Variants in VPS13C observed in about 807,000 individuals in gnomAD.
VPS13C encodes the protein vacuolar protein sorting 13 homolog C.
In VPS13C, 358 loss-of-function variants were observed where a neutral mutation model predicts 456.8. The ratio of observed to expected loss-of-function variants is 0.78; its 90% CI spans 0.72 to 0.86. VPS13C has a LOEUF of 0.86. Among genes scored for constraint, VPS13C ranks in the 40% least tolerant of loss-of-function variants. The pLI, the probability that VPS13C is intolerant of heterozygous loss-of-function variation, is 0.00. For synonymous variants in VPS13C, 1,578 were observed against 1,486.7 expected (o/e 1.06, Z -1.41); for missense variants, 4,818 against 4,385.4 (o/e 1.10, Z -2.79).
At chr15:61,962,023 T>A in intron 34 of VPS13C, 130 bp from the exon 35 acceptor site, 1 of 1,026,964 alleles carries the variant, frequency 9.7e-7, no homozygotes. Context: ...GCCCTATTTT[T>A]CTAGCAGTAT....
intron 52 of VPS13C, among the ~76,000 whole-genome samples, chr15:61,926,390 ACC>A (rs1344881567): frequency 1.3e-5 from 2 of 152,190 alleles, no homozygotes; most frequent in Non-Finnish European, 2.9e-5. Flanking sequence ...ACGGAGTGAG[ACC>A]CTTGTCTCTA....
intron 55 of VPS13C, 122 bp downstream of exon 55, chr15:61,921,825 G>T: frequency 1.1e-6 from 1 of 892,456 alleles, no homozygotes; most frequent in South Asian, 1.6e-5. Flanking sequence ...CTGACCTCAT[G>T]GACAGAGCCC....
In VPS13C at chr15:62,000,628, T is replaced by G. The variant is rs772815166; in HGVS notation, c.1291-2A>C. 6.3e-7 allele frequency: 1 copy of G among 1,594,120 alleles called. No homozygotes were observed. Among genetic ancestry groups the G allele is most frequent in the South Asian group, 1.2e-5 (1 of 84,930 alleles). ...AACATCTAGAGTCTTCTCCAAGTCC[T>G]GTAAAAAACAGAGGCACTTATAAAC... On this transcript the variant is annotated splice_acceptor_variant, in intron 15 of 84. Coordinates refer to ENST00000644861, the MANE Select transcript of VPS13C (RefSeq NM_020821.3). LOFTEE classifies it high-confidence loss of function.
intron 1 of VPS13C, among the ~76,000 whole-genome samples, chr15:62,059,689 T>A (rs890135464): frequency 5.9e-5 from 9 of 152,194 alleles, no homozygotes; most frequent in Non-Finnish European, 1.0e-4. Flanking sequence ...AGAAATCATT[T>A]TCACAGGAGC....
intron 59 of VPS13C, 29 bp downstream of exon 59, chr15:61,918,107 A>C (rs202178026): frequency 6.5e-7 from 1 of 1,548,368 alleles, no homozygotes; most frequent in South Asian, 1.3e-5. Context: ...CAATACATTT[A>C]AAGTTTAATA....
rs747874001 is a variant in VPS13C, at chr15:61,974,435, T to C, written c.2409-18A>G. Reference sequence around the variant, plus strand: ...CTTTAAATCTAAAAATACAATTCAGTGGTTTTAAGTCAGCATCTCTACATT... The same window carrying C: ...CTTTAAATCTAAAAATACAATTCAGCGGTTTTAAGTCAGCATCTCTACATT... On this transcript the variant is annotated intron_variant, in intron 24 of 84. Coordinates refer to ENST00000644861, the MANE Select transcript of VPS13C (RefSeq NM_020821.3). 6.2e-7 allele frequency: 1 copy of C among 1,609,180 alleles called. No individual in the cohort carries two copies. The highest frequency in any genetic ancestry group is 1.3e-5 in the African/African-American group (1 of 74,772).
intron 5 of VPS13C, among the ~76,000 whole-genome samples, chr15:62,032,908 T>C (rs1385525016): frequency 6.6e-6 from 1 of 151,704 alleles, no homozygotes; most frequent in Non-Finnish European, 1.5e-5. Context: ...GATTTATTTT[T>C]AGATAAAAAC....
chr15:61,928,016 G>C (rs988522054), intron 51 of VPS13C, among the ~76,000 whole-genome samples: 1 of 149,496 alleles, frequency 6.7e-6, no homozygotes. Flanking sequence ...CACAGGAAGG[G>C]GAACAACACA....
At chr15:61,957,465 A>T (rs1001199167) in intron 37 of VPS13C, among the ~76,000 whole-genome samples, 2 of 152,144 alleles carry the variant, frequency 1.3e-5, no homozygotes, top group African/African-American at 2.4e-5. Flanking sequence ...AAATACAGTA[A>T]AATAGTTTTT....
chr15:61,944,776 T>A (rs571996177), intron 45 of VPS13C, among the ~76,000 whole-genome samples: 14 of 152,222 alleles, frequency 9.2e-5, no homozygotes, highest in African/African-American at 3.4e-4. Context: ...CTAAAATAGT[T>A]GGATTATCAA....
At chr15:61,961,205 A>G (rs914506911) in intron 35 of VPS13C, among the ~76,000 whole-genome samples, 1 of 151,324 alleles carries the variant, frequency 6.6e-6, no homozygotes, top group African/African-American at 2.4e-5. Context: ...CCTGGCCAAC[A>G]TGGTGAAACC....
intron 4 of VPS13C, among the ~76,000 whole-genome samples, chr15:62,034,280 C>A (rs778496130): frequency 2.0e-5 from 3 of 151,546 alleles, no homozygotes; most frequent in Non-Finnish European, 3.0e-5. Flanking sequence ...AATGTGGTAA[C>A]AGCTACTGAA....
chr15:61,880,608 C>G lies in VPS13C; in HGVS notation c.10002+1G>C. ...TTTTCAAAATAATAATTACAACAAACCTTCACAGGAGAAATATGGAAATGT... is the reference window on the plus strand; with the variant it reads ...TTTTCAAAATAATAATTACAACAAAGCTTCACAGGAGAAATATGGAAATGT... On this transcript the variant is annotated splice_donor_variant, in intron 73 of 84. Transcript: ENST00000644861. LOFTEE classifies it high-confidence loss of function. The G allele has an allele frequency of 1.3e-6, 2 of 1,551,782 alleles. No homozygotes were observed. Among genetic ancestry groups the G allele is most frequent in the Admixed American group, 2.0e-5 (1 of 50,498 alleles).
chr15:62,007,541 G>C, intron 14 of VPS13C, 62 bp from the exon 15 acceptor site: 1 of 1,375,560 alleles, frequency 7.3e-7, no homozygotes. Flanking sequence ...AACAGGAAAA[G>C]TCTTGACATT....
At chr15:61,904,060 G>A (rs1017329865) in intron 66 of VPS13C, among the ~76,000 whole-genome samples, 6 of 152,082 alleles carry the variant, frequency 3.9e-5, no homozygotes, top group African/African-American at 1.4e-4. Context: ...AATGCTTTAG[G>A]ACACTGGTCT....
At position 61,961,907 on chromosome 15, in the gene VPS13C, G is replaced by T; in HGVS notation, c.3604-14C>A. On this transcript the variant is annotated splice_polypyrimidine_tract_variant and intron_variant, in intron 34 of 84. Transcript: ENST00000644861. ...ATTCAGGAAGTTCTGTGGACACAAA[G>T]CATAAAAAGAGAAATTCAAAGAGAA... The T allele has an allele frequency of 1.3e-6, 2 of 1,592,716 alleles. No individual in the cohort carries two copies. Among genetic ancestry groups the T allele is most frequent in the East Asian group, 4.5e-5 (2 of 44,696 alleles).
chr15:62,030,282 C>T (rs2047769781), intron 5 of VPS13C, among the ~76,000 whole-genome samples: 1 of 152,112 alleles, frequency 6.6e-6, no homozygotes, highest in African/African-American at 2.4e-5. Context: ...AGTCATAGTA[C>T]ATTGATATGA....
At chr15:61,943,184 C>G (rs2044485973) in intron 45 of VPS13C, among the ~76,000 whole-genome samples, 1 of 152,082 alleles carries the variant, frequency 6.6e-6, no homozygotes. Flanking sequence ...GTTAAAATGG[C>G]TATACTTCTC....
Position 61,867,694 on chromosome 15 carries a change from C to G in VPS13C, c.10863+965G>C. The G allele has an allele frequency of 1.5e-6, 2 of 1,329,390 alleles. No individual in the cohort carries two copies. Among genetic ancestry groups the G allele is most frequent in the Non-Finnish European group, 1.9e-6 (2 of 1,039,938 alleles). 82.3% of individuals were successfully genotyped at this position (1,329,390 alleles called of 1,614,324 possible). ...TATTAAACGCAGAAGAGAGCTGATT[C>G]TCTGCATCCTTTAATATTTTATACT... On this transcript the variant is annotated intron_variant, in intron 81 of 84. Transcript: ENST00000644861. The surrounding 1 kb of genome is among the most constrained non-coding windows in gnomAD (Gnocchi z 5.0).
Sources: allele counts gnomAD v4.1 joint callset (sites outside exome capture counted in the v4.1 genomes callset), GRCh38; gene constraint gnomAD v4.1.1; non-coding constraint Gnocchi (gnomAD v3.1); transcripts MANE v1.5; gene names NCBI Gene and HGNC (gene_info 2026-07-23, HGNC 2026-07-21).